GMDS: variants seen among roughly 807,000 people sequenced by gnomAD.
GMDS encodes GDP-mannose 4,6 dehydratase.
Under a neutral mutation model 49.9 loss-of-function variants are expected in GMDS, and 20 were observed. The ratio of observed to expected loss-of-function variants is 0.40; its 90% CI spans 0.28 to 0.58. The LOEUF is 0.58. Ranked by LOEUF, GMDS falls within the 20% of genes least tolerant of loss-of-function variation. GMDS has a pLI of 0.42. For synonymous variants in GMDS, 177 were observed against 178.6 expected, an observed-to-expected ratio of 0.99 and a Z score of 0.07; for missense variants, 362 against 481.4, an observed-to-expected ratio of 0.75 and a Z score of 2.32.
At chr6:2,224,541 G>A (rs1392532752) in intron 1 of GMDS, among the ~76,000 whole-genome samples, 1 of 152,216 alleles carries the variant, frequency 6.6e-6, no homozygotes, top group Non-Finnish European at 1.5e-5. Context: ...AGAGTGCACT[G>A]AGTAGTTTTT....
chr6:2,141,951 C>A (rs1361148811), intron 1 of GMDS, among the ~76,000 whole-genome samples: 5 of 152,084 alleles, frequency 3.3e-5, no homozygotes, highest in African/African-American at 9.7e-5. Flanking sequence ...TCTCTCCGAC[C>A]CCGCTCCTAT....
chr6:1,783,342 G>C (rs1296545240), intron 7 of GMDS, among the ~76,000 whole-genome samples: 1 of 152,228 alleles, frequency 6.6e-6, no homozygotes, highest in Non-Finnish European at 1.5e-5. Flanking sequence ...GGGTGCAGGT[G>C]CAAGTCTTAA....
At chr6:1,871,024 A>G (rs181253507) in intron 7 of GMDS, among the ~76,000 whole-genome samples, 1 of 150,988 alleles carries the variant, frequency 6.6e-6, no homozygotes, top group African/African-American at 2.4e-5. Flanking sequence ...CTCCTTTCCA[A>G]ACTGCATCCA....
chr6:2,196,392 A>G lies in GMDS; in HGVS notation c.102+48929T>C, dbSNP rs115907404. On this transcript the variant is annotated intron_variant, in intron 1 of 10. Transcript: ENST00000380815. ...TTTACTTTTACCAAAATGTAGTAAT[A>G]GTGTGGGTCACAAGGCACAAGTCTA... 6.8e-3 allele frequency among the ~76,000 whole-genome samples: 1,038 copies of G among 152,364 alleles called. 12 individuals carry two copies. Among genetic ancestry groups the G allele is most frequent in the African/African-American group, 0.024 (989 of 41,584 alleles).
At chr6:2,234,548 G>T (rs528290272) in intron 1 of GMDS, among the ~76,000 whole-genome samples, 3 of 152,220 alleles carry the variant, frequency 2.0e-5, no homozygotes, top group South Asian at 4.1e-4. Flanking sequence ...GGCGGAGGTT[G>T]CAGTGAGCCA....
At chr6:2,159,180 A>T (rs962745471) in intron 1 of GMDS, among the ~76,000 whole-genome samples, 1 of 152,176 alleles carries the variant, frequency 6.6e-6, no homozygotes, top group African/African-American at 2.4e-5. Flanking sequence ...TATTTTTAAA[A>T]ATTCCTTCTA....
chr6:2,153,331 C>G (rs894496939), intron 1 of GMDS, among the ~76,000 whole-genome samples: 4 of 152,040 alleles, frequency 2.6e-5, no homozygotes, highest in South Asian at 4.1e-4. Context: ...AGGAAAAAGA[C>G]TGATAATCTG....
intron 1 of GMDS, among the ~76,000 whole-genome samples, chr6:2,207,863 C>T (rs1779874471): frequency 6.6e-6 from 1 of 151,822 alleles, no homozygotes; most frequent in African/African-American, 2.4e-5. Flanking sequence ...CAGTAAATTC[C>T]TCTCAACAGG....
At position 2,052,116 on chromosome 6, in the gene GMDS, C is replaced by CAAAAAAAAAAAAAAAAAAA. The variant is rs1285013159; in HGVS notation, c.345+63654_345+63655insTTTTTTTTTTTTTTTTTTT. Among the ~76,000 whole-genome samples the CAAAAAAAAAAAAAAAAAAA allele has an allele frequency of 1.4e-3, 62 of 43,548 alleles. 1 individual carries two copies. The highest frequency in any genetic ancestry group is 2.6e-3 in the South Asian group (3 of 1,140). The allele number at this position is 43,548 out of a possible 152,430, so 28.6% of individuals were successfully genotyped here. The stretch of plus-strand genomic sequence containing the variant: ...TGGGTGACAGAGCAAGACTCTGTCT[C>CAAAAAAAAAAAAAAAAAAA]AAAAAAAAAAAAAAGAAAAAAAAAA... On this transcript the variant is annotated intron_variant, in intron 4 of 10. Transcript: ENST00000380815.
intron 9 of GMDS, among the ~76,000 whole-genome samples, chr6:1,662,959 T>C (rs892076620): frequency 6.6e-6 from 1 of 152,206 alleles, no homozygotes; most frequent in African/African-American, 2.4e-5. Flanking sequence ...AATAAGGATA[T>C]AGGTTTGCAT....
At chr6:2,001,539 T>C (rs1264370607) in intron 4 of GMDS, among the ~76,000 whole-genome samples, 3 of 152,202 alleles carry the variant, frequency 2.0e-5, no homozygotes, top group Non-Finnish European at 4.4e-5. Context: ...TTTTTGAAAC[T>C]GATGCACTGA....
chr6:1,715,573 A>T (rs997352064), intron 9 of GMDS, among the ~76,000 whole-genome samples: 1 of 152,230 alleles, frequency 6.6e-6, no homozygotes, highest in Non-Finnish European at 1.5e-5. Flanking sequence ...AGGAGCTGAC[A>T]CTTGTGCAGG....
chr6:2,153,112 TATTCAATAA>T (rs1424127179), intron 1 of GMDS, among the ~76,000 whole-genome samples: 2 of 152,158 alleles, frequency 1.3e-5, no homozygotes, highest in Non-Finnish European at 2.9e-5. Flanking sequence ...ATCAATGGAC[TATTCAATAA>T]ATTATGCTTG....
intron 4 of GMDS, among the ~76,000 whole-genome samples, chr6:2,013,704 A>T (rs1043455267): frequency 1.3e-5 from 2 of 152,062 alleles, no homozygotes; most frequent in African/African-American, 4.8e-5. Flanking sequence ...AAGATATATC[A>T]ATAGATGCAT....
intron 7 of GMDS, among the ~76,000 whole-genome samples, chr6:1,820,292 T>A (rs566791912): frequency 6.6e-6 from 1 of 152,146 alleles, no homozygotes; most frequent in African/African-American, 2.4e-5. Context: ...AGTAAAAACA[T>A]ACACACAAAA....
chr6:1,811,360 G>T (rs1770421920), intron 7 of GMDS, among the ~76,000 whole-genome samples: 1 of 152,140 alleles, frequency 6.6e-6, no homozygotes. Context: ...AGTCATGGAA[G>T]CCTTATCAGC....
chr6:1,765,382 A>G (rs185801434), intron 7 of GMDS, among the ~76,000 whole-genome samples: 100 of 152,292 alleles, frequency 6.6e-4, no homozygotes, highest in African/African-American at 2.3e-3. Context: ...TGGGAACACA[A>G]CCCATTAACA....
At chr6:1,809,706 G>A (rs1383790960) in intron 7 of GMDS, among the ~76,000 whole-genome samples, 1 of 152,130 alleles carries the variant, frequency 6.6e-6, no homozygotes, top group African/African-American at 2.4e-5. Flanking sequence ...GAGGGCTAGT[G>A]AAAGAATTCT....
chr6:1,651,715 G>A (rs920801831), intron 9 of GMDS, among the ~76,000 whole-genome samples: 1 of 152,120 alleles, frequency 6.6e-6, no homozygotes, highest in Non-Finnish European at 1.5e-5. Context: ...GGTGATCTCC[G>A]TGCCAACCTC....
Sources: allele counts gnomAD v4.1 joint callset (sites outside exome capture counted in the v4.1 genomes callset), GRCh38; gene constraint gnomAD v4.1.1; transcripts MANE v1.5; gene names NCBI Gene and HGNC (gene_info 2026-07-23, HGNC 2026-07-21).